Variants in VWA8 observed in about 807,000 individuals in gnomAD.
VWA8 encodes von Willebrand factor A domain-containing protein 8.
In VWA8, 221 loss-of-function variants were observed where a neutral mutation model predicts 241.5. The observed-to-expected ratio is 0.91, with a 90% CI of 0.82 to 1.02. VWA8 has a LOEUF of 1.02. Ranked by LOEUF, VWA8 falls within the 50% of genes least tolerant of loss-of-function variation. The pLI is 0.00. For missense variants in VWA8, 2,322 were observed against 2,328.7 expected (o/e 1.00, Z 0.06); for synonymous variants, 852 against 827.1 (o/e 1.03, Z -0.52).
At chr13:41,693,991 T>C (rs2045197161) in intron 29 of VWA8, among the ~76,000 whole-genome samples, 1 of 151,900 alleles carries the variant, frequency 6.6e-6, no homozygotes, top group Admixed American at 6.6e-5. Flanking sequence ...GAATTTCTTT[T>C]GGAGAAAATA....
At chr13:41,936,732 G>A (rs1303856024) in intron 2 of VWA8, among the ~76,000 whole-genome samples, 1 of 152,118 alleles carries the variant, frequency 6.6e-6, no homozygotes, top group Non-Finnish European at 1.5e-5. Flanking sequence ...CTTGAAAATG[G>A]CTAAGAGAAT....
intron 38 of VWA8, among the ~76,000 whole-genome samples, chr13:41,613,652 TC>T (rs1490763557): frequency 2.6e-5 from 4 of 152,186 alleles, no homozygotes; most frequent in Non-Finnish European, 5.9e-5. Context: ...GATCTCCACT[TC>T]CCAGAGCCTT....
At chr13:41,923,825 C>T (rs543878686) in intron 2 of VWA8, among the ~76,000 whole-genome samples, 1 of 151,758 alleles carries the variant, frequency 6.6e-6, no homozygotes, top group Non-Finnish European at 1.5e-5. Flanking sequence ...GCTGTAGCTA[C>T]ACAGAGACTA....
At chr13:41,742,162 A>G (rs1043761127) in intron 21 of VWA8, among the ~76,000 whole-genome samples, 5 of 152,202 alleles carry the variant, frequency 3.3e-5, no homozygotes, top group African/African-American at 1.2e-4. Context: ...TCTGACTTTC[A>G]TTTCATGGAA....
chr13:41,921,166 A>T (rs1476597991), intron 2 of VWA8, among the ~76,000 whole-genome samples: 1 of 152,222 alleles, frequency 6.6e-6, no homozygotes, highest in Non-Finnish European at 1.5e-5. Flanking sequence ...CAGCACATAA[A>T]CACAACCAAA....
At chr13:41,947,900 C>T (rs1361816436) in intron 2 of VWA8, among the ~76,000 whole-genome samples, 2 of 142,282 alleles carry the variant, frequency 1.4e-5, no homozygotes, top group Non-Finnish European at 3.0e-5. Context: ...CCACTGCACC[C>T]CAGCCTGGGC....
intron 10 of VWA8, among the ~76,000 whole-genome samples, chr13:41,867,284 C>T (rs1039092878): frequency 6.6e-6 from 1 of 152,236 alleles, no homozygotes; most frequent in African/African-American, 2.4e-5. Flanking sequence ...GAAGCTTTCC[C>T]TATTCCGTCT....
intron 21 of VWA8, among the ~76,000 whole-genome samples, chr13:41,742,940 G>C (rs1331012273): frequency 6.6e-6 from 1 of 152,128 alleles, no homozygotes; most frequent in Non-Finnish European, 1.5e-5. Context: ...GAAGAGGAAA[G>C]GATCTAAGAT....
intron 40 of VWA8, among the ~76,000 whole-genome samples, chr13:41,592,148 GA>G (rs2044459385): frequency 6.7e-6 from 1 of 148,346 alleles, no homozygotes; most frequent in East Asian, 2.0e-4. Context: ...AAAAAATGAT[GA>G]GTTCATGTCC....
intron 12 of VWA8, among the ~76,000 whole-genome samples, chr13:41,859,089 A>AC (rs1314541988): frequency 2.0e-5 from 3 of 151,786 alleles, no homozygotes; most frequent in Non-Finnish European, 4.4e-5. Context: ...AAAAAAAAAA[A>AC]ATTTAAAAAG....
intron 12 of VWA8, among the ~76,000 whole-genome samples, chr13:41,851,612 TC>T (rs1348383464): frequency 6.6e-6 from 1 of 152,210 alleles, no homozygotes; most frequent in Non-Finnish European, 1.5e-5. Flanking sequence ...CCTCATTTTC[TC>T]TTGCTCCAGT....
chr13:41,712,229 A>G (rs948371944), intron 26 of VWA8, among the ~76,000 whole-genome samples: 1 of 152,184 alleles, frequency 6.6e-6, no homozygotes, highest in Admixed American at 6.5e-5. Context: ...GTATATTTCA[A>G]AGTAACTAGA....
intron 9 of VWA8, among the ~76,000 whole-genome samples, chr13:41,882,455 CT>C (rs1874280227): frequency 6.6e-6 from 1 of 152,178 alleles, no homozygotes; most frequent in Non-Finnish European, 1.5e-5. Context: ...AGGCAGGCAG[CT>C]GGGAGGTGGA....
intron 5 of VWA8, among the ~76,000 whole-genome samples, chr13:41,890,874 G>A (rs1593848709): frequency 1.3e-5 from 2 of 152,348 alleles, no homozygotes; most frequent in Middle Eastern, 6.8e-3. Flanking sequence ...AGGAAGGAAG[G>A]ATGGAAGCAG....
chr13:41,673,832 G>C (rs1477377059), intron 36 of VWA8, among the ~76,000 whole-genome samples: 2 of 152,282 alleles, frequency 1.3e-5, no homozygotes, highest in South Asian at 4.1e-4. Context: ...GCACACAGCT[G>C]CTCTTCCAGA....
intron 38 of VWA8, among the ~76,000 whole-genome samples, chr13:41,613,058 G>A (rs2044600231): frequency 6.6e-6 from 1 of 152,210 alleles, no homozygotes; most frequent in Admixed American, 6.5e-5. Flanking sequence ...TTTATAAAGT[G>A]GAAAATTTGA....
chr13:41,706,643 C>T lies in VWA8; in HGVS notation c.3117-3232G>A, dbSNP rs186160735. ...AAAGGGGAAGCATTGTATTATATTT[C>T]GGTAAATGAGCAAGCTTTGGAATTT... is the stretch of plus-strand genomic sequence containing the variant. On this transcript the variant is annotated intron_variant, in intron 26 of 44. Transcript: ENST00000379310. Among the ~76,000 whole-genome samples the T allele has an allele frequency of 5.3e-5, 8 of 152,232 alleles. No homozygotes were observed. In the East Asian group the frequency reaches 9.6e-4, roughly 18 times the overall value.
intron 9 of VWA8, among the ~76,000 whole-genome samples, chr13:41,882,480 C>T (rs191503773): frequency 0.031 from 4,662 of 152,176 alleles, 105 homozygotes; most frequent in Non-Finnish European, 0.048. Flanking sequence ...TGTAGCGAGC[C>T]GAGATCACAC....
intron 16 of VWA8, among the ~76,000 whole-genome samples, chr13:41,813,889 A>T (rs1017576858): frequency 2.0e-5 from 3 of 152,088 alleles, no homozygotes; most frequent in African/African-American, 7.2e-5. Flanking sequence ...TGCAAAAAAA[A>T]AGGGGGGCGG....
Sources: gnomAD v4.1 joint callset for allele counts (sites outside exome capture counted in the v4.1 genomes callset) on GRCh38, gnomAD v4.1.1 for gene constraint, MANE v1.5 for transcripts, NCBI Gene and HGNC (gene_info 2026-07-23, HGNC 2026-07-21) for gene names.